THRAP3: variants seen among roughly 807,000 people sequenced by gnomAD.
THRAP3 encodes the protein thyroid hormone receptor associated protein 3.
In THRAP3, 16 loss-of-function variants were observed where a neutral mutation model predicts 101.0. The ratio of observed to expected loss-of-function variants is 0.16; its 90% CI spans 0.11 to 0.24. THRAP3 has a LOEUF of 0.24. Among genes scored for constraint, THRAP3 ranks in the 10% least tolerant of loss-of-function variants. The pLI is 1.00. For synonymous variants in THRAP3, 407 were observed against 422.6 expected, an observed-to-expected ratio of 0.96 and a Z score of 0.45; for missense variants, 989 against 1,202.7, an observed-to-expected ratio of 0.82 and a Z score of 2.63.
chr1:36,303,886 T>C lies in THRAP3; in HGVS notation c.2737T>C (p.Phe913Leu), dbSNP rs747805682. Residue 913 changes from phenylalanine (F) to leucine (L), a missense_variant, in exon 12 of 12, where the codon TTC becomes CTC. Physicochemically the swap from Phe to Leu is conservative, Grantham distance 22 (BLOSUM62 0). Transcript: ENST00000354618. ...TCCTCGGGGTCGGGGCCGGTTCATG[T>C]TCCGGAAATCAAGTACCAGCCCCAA... The part of the protein sequence containing the change: ...AFPRGRGRFM[F>L]RKSSTSPKWA... The C allele has an allele frequency of 6.2e-7, 1 of 1,613,668 alleles. No individual in the cohort carries two copies. The highest frequency in any genetic ancestry group is 8.5e-7 in the Non-Finnish European group (1 of 1,179,864).
At chr1:36,228,306 C>T (rs2124331430) in intron 1 of THRAP3, among the ~76,000 whole-genome samples, 1 of 152,226 alleles carries the variant, frequency 6.6e-6, no homozygotes, top group South Asian at 2.1e-4. Flanking sequence ...CTACCTCTGC[C>T]TCCAGGGTTC....
Position 36,232,296 on chromosome 1 carries a change from A to G in THRAP3, c.-135+7791A>G, listed in dbSNP as rs989368050. Among the ~76,000 whole-genome samples the G allele has an allele frequency of 3.3e-5, 5 of 152,292 alleles. No homozygotes were observed. The East Asian group carries it at 9.6e-4, about 29-fold the overall frequency. On this transcript the variant is annotated intron_variant, in intron 1 of 11. Transcript: ENST00000354618. Reference sequence around the variant, plus strand: ...GACCCTTTACATAGCCTTGCTTTGTATACTCATAAGTTCTTATTACTTAAG... The same window carrying G: ...GACCCTTTACATAGCCTTGCTTTGTGTACTCATAAGTTCTTATTACTTAAG...
At chr1:36,213,555 A>G in the THRAP3 span, among the ~76,000 whole-genome samples, 1 of 151,974 alleles carries the variant, frequency 6.6e-6, no homozygotes, top group Non-Finnish European at 1.5e-5. Context: ...GAAAGACAGA[A>G]GAACTCCTGG....
At chr1:36,289,800 G>A in intron 5 of THRAP3, 36 bp downstream of exon 5, 1 of 1,548,760 alleles carries the variant, frequency 6.5e-7, no homozygotes, top group Non-Finnish European at 8.7e-7. Context: ...CAGTGCTTTA[G>A]TGGCCTAAGT....
intron 2 of THRAP3, among the ~76,000 whole-genome samples, chr1:36,260,802 A>G (rs959622533): frequency 7.7e-4 from 116 of 150,410 alleles, no homozygotes; most frequent in Admixed American, 1.7e-3. Flanking sequence ...AGCCTGGGCT[A>G]CAGAGCAAGA....
intron 1 of THRAP3, among the ~76,000 whole-genome samples, chr1:36,237,468 CAAAAAAAAA>C (rs1222944821): frequency 2.0e-5 from 1 of 50,958 alleles, no homozygotes; most frequent in African/African-American, 7.1e-5. Flanking sequence ...AACTTCATCT[CAAAAAAAAA>C]AAAAAAAAAA....
At chr1:36,210,765 C>T in the THRAP3 span, among the ~76,000 whole-genome samples, 1 of 53,484 alleles carries the variant, frequency 1.9e-5, no homozygotes, top group South Asian at 7.1e-4. Flanking sequence ...GCTTTGGAAA[C>T]AAAAAGATGG....
intron 2 of THRAP3, among the ~76,000 whole-genome samples, chr1:36,271,977 C>G (rs1407807918): frequency 6.6e-6 from 1 of 151,724 alleles, no homozygotes; most frequent in Non-Finnish European, 1.5e-5. Context: ...TAATTCACCC[C>G]CTTTGGCTTT....
At chr1:36,243,319 G>C (rs1423613323) in intron 1 of THRAP3, among the ~76,000 whole-genome samples, 1 of 151,910 alleles carries the variant, frequency 6.6e-6, no homozygotes, top group East Asian at 1.9e-4. Context: ...AAGGTCTCTA[G>C]TTTTCCTAGG....
At chr1:36,299,342 G>A (rs1231395066) in intron 9 of THRAP3, among the ~76,000 whole-genome samples, 1 of 151,786 alleles carries the variant, frequency 6.6e-6, no homozygotes, top group African/African-American at 2.4e-5. Flanking sequence ...AGGAGGCTGA[G>A]GCGGGAGAAT....
intron 2 of THRAP3, among the ~76,000 whole-genome samples, chr1:36,275,929 G>A (rs183588281): frequency 4.9e-4 from 74 of 152,156 alleles, no homozygotes; most frequent in East Asian, 1.6e-3. Context: ...TGGGGTGGGC[G>A]GATCACTTGA....
At chr1:36,288,652 G>C in intron 4 of THRAP3, 3 of 985,424 alleles carry the variant, frequency 3.0e-6, no homozygotes, top group Non-Finnish European at 2.4e-6. Flanking sequence ...AACAGTCCAA[G>C]GTTGAACATT....
intron 2 of THRAP3, among the ~76,000 whole-genome samples, chr1:36,264,250 ATCTC>A (rs981751847): frequency 6.6e-6 from 1 of 152,102 alleles, no homozygotes; most frequent in Non-Finnish European, 1.5e-5. Context: ...AAGTTCCTAA[ATCTC>A]TCCCTCCAAC....
intron 1 of THRAP3, among the ~76,000 whole-genome samples, chr1:36,246,016 G>A (rs1645226860): frequency 6.6e-6 from 1 of 152,108 alleles, no homozygotes; most frequent in Non-Finnish European, 1.5e-5. Context: ...CTAGGGGGAG[G>A]TATGATTATA....
chr1:36,284,303 G>A (rs1296545895), intron 3 of THRAP3, among the ~76,000 whole-genome samples: 2 of 152,206 alleles, frequency 1.3e-5, no homozygotes, highest in African/African-American at 4.8e-5. Context: ...AGTATGTGCT[G>A]GGGTAGGTCT....
At chr1:36,256,794 C>G (rs1252735751) in intron 1 of THRAP3, among the ~76,000 whole-genome samples, 3 of 151,984 alleles carry the variant, frequency 2.0e-5, no homozygotes, top group Non-Finnish European at 2.9e-5. Flanking sequence ...GTTTGCATTG[C>G]AGACATTCTT....
At chr1:36,260,827 A>C (rs1336322628) in intron 2 of THRAP3, among the ~76,000 whole-genome samples, 2 of 151,798 alleles carry the variant, frequency 1.3e-5, no homozygotes, top group Non-Finnish European at 2.9e-5. Context: ...GTCTCAAAAA[A>C]AAAAAAAAAA....
At chr1:36,216,150 A>C in the THRAP3 span, among the ~76,000 whole-genome samples, 15 of 152,218 alleles carry the variant, frequency 9.9e-5, no homozygotes, top group African/African-American at 2.4e-4. Flanking sequence ...AGGCCTAAGC[A>C]GGAGGATTGC....
chr1:36,213,961 AGGAAAG>A, the THRAP3 span, among the ~76,000 whole-genome samples: 1,368 of 101,872 alleles, frequency 0.013, 33 homozygotes, highest in African/African-American at 0.04. Flanking sequence ...GAAAGAAAGA[AGGAAAG>A]AGAAAGAAAG....
Sources: gnomAD v4.1 joint callset for allele counts (sites outside exome capture counted in the v4.1 genomes callset) on GRCh38, gnomAD v4.1.1 for gene constraint, MANE v1.5 for transcripts, NCBI Gene and HGNC (gene_info 2026-07-23, HGNC 2026-07-21) for gene names.